ACOXL: variants seen among roughly 807,000 people sequenced by gnomAD.
ACOXL encodes acyl-CoA oxidase like.
A neutral mutation model predicts 71.9 loss-of-function variants in ACOXL; 70 were observed. That is an observed-to-expected ratio of 0.97 (90% CI 0.80 to 1.19). The LOEUF (loss-of-function observed/expected upper bound fraction) is 1.19, where lower values mean the gene tolerates loss of function less well. Among genes scored for constraint, ACOXL ranks in the 50% most tolerant of loss-of-function variants. The probability of loss-of-function intolerance (pLI) is 0.00; values close to 1 mark genes in which losing one functional copy is unlikely to be tolerated. For missense variants in ACOXL, 703 were observed against 736.3 expected (o/e 0.95, Z 0.52); for synonymous variants, 253 against 281.6 (o/e 0.90, Z 1.02).
chr2:110,866,501 G>C (rs1694604901), intron 10 of ACOXL, among the ~76,000 whole-genome samples: 2 of 152,162 alleles, frequency 1.3e-5, no homozygotes, highest in African/African-American at 4.8e-5. Flanking sequence ...GCAACGTGGA[G>C]CCAGGATCAA....
chr2:111,008,409 C>T lies in ACOXL; in HGVS notation c.1281+12405C>T, dbSNP rs183974648. 2.2e-3 allele frequency among the ~76,000 whole-genome samples: 338 copies of T among 152,204 alleles called. 1 individual carries two copies. Among genetic ancestry groups the T allele is most frequent in the Non-Finnish European group, 3.8e-3 (261 of 67,998 alleles). On this transcript the variant is annotated intron_variant, in intron 14 of 17. Coordinates refer to ENST00000439055, the MANE Select transcript of ACOXL (RefSeq NM_001142807.4). The stretch of plus-strand genomic sequence containing the variant: ...ATGTAGGTGGCAAGATATCTTTAGT[C>T]TCTGGCTTATCCTTCCTGTATTTCT...
At chr2:110,831,831 A>G (rs1689866007) in intron 9 of ACOXL, among the ~76,000 whole-genome samples, 1 of 152,206 alleles carries the variant, frequency 6.6e-6, no homozygotes. Flanking sequence ...TGGAGGAAAG[A>G]TGGCCTTTTC....
At chr2:110,897,596 C>T (rs1441060488) in intron 10 of ACOXL, among the ~76,000 whole-genome samples, 7 of 152,178 alleles carry the variant, frequency 4.6e-5, no homozygotes, top group Non-Finnish European at 7.3e-5. Flanking sequence ...AAACACCTCT[C>T]GTTAGGCCTC....
chr2:110,961,180 T>C (rs543744827), intron 12 of ACOXL, among the ~76,000 whole-genome samples: 2 of 152,164 alleles, frequency 1.3e-5, no homozygotes, highest in South Asian at 4.2e-4. Context: ...CTGCAAGCTG[T>C]TTGAGGGCTG....
intron 12 of ACOXL, among the ~76,000 whole-genome samples, chr2:110,976,752 C>T (rs965947005): frequency 5.9e-5 from 9 of 151,950 alleles, no homozygotes; most frequent in Admixed American, 2.0e-4. Flanking sequence ...AATTTCTGTT[C>T]AACAGAAAGA....
At chr2:110,778,845 A>G (rs1310392727) in intron 2 of ACOXL, among the ~76,000 whole-genome samples, 1 of 152,212 alleles carries the variant, frequency 6.6e-6, no homozygotes, top group African/African-American at 2.4e-5. Context: ...CTCATGGGCC[A>G]AAAATTATAA....
intron 1 of ACOXL, among the ~76,000 whole-genome samples, chr2:110,751,922 C>G (rs1452866568): frequency 6.6e-6 from 1 of 152,104 alleles, no homozygotes; most frequent in African/African-American, 2.4e-5. Context: ...ACAACAGATA[C>G]TAAAGATGAC....
chr2:110,843,714 A>C (rs546156701), intron 10 of ACOXL, among the ~76,000 whole-genome samples: 1 of 152,198 alleles, frequency 6.6e-6, no homozygotes, highest in Non-Finnish European at 1.5e-5. Flanking sequence ...TGCTCTCCCC[A>C]GGAGACATCC....
At chr2:110,811,450 C>T (rs915900434) in intron 9 of ACOXL, among the ~76,000 whole-genome samples, 1 of 152,154 alleles carries the variant, frequency 6.6e-6, no homozygotes, top group Non-Finnish European at 1.5e-5. Flanking sequence ...GCTATGGGCT[C>T]TTTAAAGTAA....
At chr2:110,887,005 G>T in intron 10 of ACOXL, 2 of 909,900 alleles carry the variant, frequency 2.2e-6, no homozygotes, top group Non-Finnish European at 3.3e-6. Context: ...GTGGCAAGAT[G>T]TCTGCAGAGT....
chr2:110,880,093 C>T (rs895487891), intron 10 of ACOXL, among the ~76,000 whole-genome samples: 7 of 144,924 alleles, frequency 4.8e-5, no homozygotes, highest in Non-Finnish European at 8.9e-5. Flanking sequence ...TTGCAGTGAC[C>T]GAGTTTGTAC....
chr2:111,031,754 CAG>C (rs762088882), intron 15 of ACOXL, 40 bp downstream of exon 15: 10 of 1,592,134 alleles, frequency 6.3e-6, no homozygotes, highest in African/African-American at 5.4e-5. Flanking sequence ...TTGAGTGACT[CAG>C]GGGTCTACGG....
chr2:110,802,219 C>T (rs548865638), intron 8 of ACOXL, among the ~76,000 whole-genome samples: 3 of 151,974 alleles, frequency 2.0e-5, no homozygotes, highest in Admixed American at 2.0e-4. Flanking sequence ...TTTTCCTTCC[C>T]CCCCCTGCCA....
At position 111,113,549 on chromosome 2, in the gene ACOXL, G is replaced by A. The variant is rs62163307; in HGVS notation, c.1543-4067G>A. Reference sequence around the variant, plus strand: ...CATGCCTTTACCTGCCTGGCCCTCCGGGATGGAATGTGGAAAGCATAGATA... The same window carrying A: ...CATGCCTTTACCTGCCTGGCCCTCCAGGATGGAATGTGGAAAGCATAGATA... On this transcript the variant is annotated intron_variant, in intron 17 of 17. Coordinates refer to ENST00000439055, the MANE Select transcript of ACOXL (RefSeq NM_001142807.4). Among the ~76,000 whole-genome samples the A allele has an allele frequency of 8.7e-3, 1,321 of 152,310 alleles. 10 individuals are homozygous for A. The highest frequency in any genetic ancestry group is 0.015 in the Non-Finnish European group (1,043 of 68,020).
chr2:110,838,211 G>A lies in ACOXL; in HGVS notation c.754-3160G>A, dbSNP rs374584737. On this transcript the variant is annotated intron_variant, in intron 9 of 17. Coordinates refer to ENST00000439055, the MANE Select transcript of ACOXL (RefSeq NM_001142807.4). Reference sequence around the variant, plus strand: ...CATGTGAATAAACACATGCACACAAGCACTAAAAGACTGCATGTGTGCGTG... The same window carrying A: ...CATGTGAATAAACACATGCACACAAACACTAAAAGACTGCATGTGTGCGTG... Among the ~76,000 whole-genome samples the A allele has an allele frequency of 1.1e-4, 16 of 152,338 alleles. No homozygotes were observed. The East Asian group carries it at 2.5e-3, about 24-fold the overall frequency.
At chr2:110,898,048 G>A (rs1398676375) in intron 10 of ACOXL, among the ~76,000 whole-genome samples, 3 of 152,114 alleles carry the variant, frequency 2.0e-5, no homozygotes, top group African/African-American at 7.2e-5. Context: ...CCCCCAATGT[G>A]TAAGATAATT....
At chr2:110,893,797 C>CT (rs1357929050) in intron 10 of ACOXL, among the ~76,000 whole-genome samples, 2 of 152,006 alleles carry the variant, frequency 1.3e-5, no homozygotes, top group East Asian at 3.9e-4. Context: ...ATATACCTGT[C>CT]TGTTTTTTTA....
chr2:110,915,421 TA>T lies in ACOXL; in HGVS notation c.905+6517del, dbSNP rs1331286008. Among the ~76,000 whole-genome samples, 609 of 132,180 alleles carry T rather than the reference TA, an allele frequency of 4.6e-3. 10 individuals are homozygous for T. Among genetic ancestry groups the T allele is most frequent in the African/African-American group, 0.016 (521 of 32,738 alleles). 86.7% of individuals were successfully genotyped at this position (132,180 alleles called of 152,430 possible). A position where few individuals can be genotyped will look rare whatever the true frequency, so the allele number is the denominator to read the frequency against. ...GTGTGTATATACATATATATATATA[TA>T]TATATATTTTTTTTTTTTTGAGATG... On this transcript the variant is annotated intron_variant, in intron 11 of 17. Transcript: ENST00000439055.
intron 17 of ACOXL, among the ~76,000 whole-genome samples, chr2:111,107,188 T>A (rs112953939): frequency 2.0e-4 from 30 of 152,312 alleles, no homozygotes; most frequent in African/African-American, 7.0e-4. Context: ...TTTGTTAGGA[T>A]TTTTGTGTAC....
Sources: gnomAD v4.1 joint callset for allele counts (sites outside exome capture counted in the v4.1 genomes callset) on GRCh38, gnomAD v4.1.1 for gene constraint, MANE v1.5 for transcripts, NCBI Gene and HGNC (gene_info 2026-07-23, HGNC 2026-07-21) for gene names.